CDH13: variants seen among roughly 807,000 people sequenced by gnomAD.
The protein encoded by CDH13 is cadherin 13, also known as cadherin-13.
Under a neutral mutation model 63.8 loss-of-function variants are expected in CDH13, and 24 were observed. The ratio of observed to expected loss-of-function variants is 0.38; its 90% CI spans 0.27 to 0.53. CDH13 has a LOEUF of 0.53. Among genes scored for constraint, CDH13 ranks in the 20% least tolerant of loss-of-function variants. The pLI, the probability that CDH13 is intolerant of heterozygous loss-of-function variation, is 0.85. For synonymous variants in CDH13, 503 were observed against 355.3 expected, an observed-to-expected ratio of 1.42 and a Z score of -4.67; for missense variants, 1,049 against 903.1, an observed-to-expected ratio of 1.16 and a Z score of -2.07.
chr16:82,808,293 G>A (rs1470154889), intron 1 of CDH13, among the ~76,000 whole-genome samples: 6 of 152,132 alleles, frequency 3.9e-5, no homozygotes, highest in Non-Finnish European at 7.4e-5. Flanking sequence ...TCATTGTCTA[G>A]GATCTCCAGC....
chr16:83,148,013 A>T (rs1426928454), intron 4 of CDH13, among the ~76,000 whole-genome samples: 1 of 152,160 alleles, frequency 6.6e-6, no homozygotes, highest in Non-Finnish European at 1.5e-5. Context: ...TGCTTAATGC[A>T]ACCTCAGCCT....
chr16:82,750,670 C>T (rs540465497), intron 1 of CDH13, among the ~76,000 whole-genome samples: 1 of 152,200 alleles, frequency 6.6e-6, no homozygotes, highest in Non-Finnish European at 1.5e-5. Flanking sequence ...GGAAAAATAT[C>T]TGAAAGAATG....
At chr16:83,624,338 G>GCAC in intron 8 of CDH13, among the ~76,000 whole-genome samples, 1 of 145,256 alleles carries the variant, frequency 6.9e-6, no homozygotes, top group South Asian at 2.2e-4. Flanking sequence ...ATGAGATAAC[G>GCAC]CCCCCACCCC....
At chr16:83,155,489 C>T (rs2037170870) in intron 4 of CDH13, among the ~76,000 whole-genome samples, 1 of 152,120 alleles carries the variant, frequency 6.6e-6, no homozygotes, top group African/African-American at 2.4e-5. Context: ...TTTCTTGGTC[C>T]ATCTTTTGGT....
intron 6 of CDH13, among the ~76,000 whole-genome samples, chr16:83,413,946 C>T (rs1009694731): frequency 1.3e-4 from 20 of 152,208 alleles, no homozygotes; most frequent in African/African-American, 4.6e-4. Flanking sequence ...AAGCTGAGAT[C>T]ACTCACCACT....
At chr16:83,383,055 T>A (rs1229552504) in intron 6 of CDH13, 3 of 152,242 alleles carry the variant, frequency 2.0e-5, no homozygotes, top group African/African-American at 7.2e-5. Context: ...ATCTTTGCAG[T>A]CTGCCCCAGT....
At chr16:83,404,811 A>G (rs549386449) in intron 6 of CDH13, among the ~76,000 whole-genome samples, 3 of 152,154 alleles carry the variant, frequency 2.0e-5, no homozygotes, top group African/African-American at 4.8e-5. Context: ...CCAGTTTTGC[A>G]TTGTGTTCCT....
At chr16:82,865,387 C>A (rs184673354) in intron 2 of CDH13, among the ~76,000 whole-genome samples, 1 of 152,226 alleles carries the variant, frequency 6.6e-6, no homozygotes, top group Non-Finnish European at 1.5e-5. Context: ...CGTGGACATC[C>A]AGGTGTTTCC....
chr16:83,433,843 T>C (rs1440742989), intron 6 of CDH13, among the ~76,000 whole-genome samples: 2 of 152,186 alleles, frequency 1.3e-5, no homozygotes, highest in Admixed American at 1.3e-4. Context: ...GTATTGGTAG[T>C]AGTTGGTAAT....
At chr16:82,675,022 C>G (rs151028218) in intron 1 of CDH13, among the ~76,000 whole-genome samples, 1 of 152,104 alleles carries the variant, frequency 6.6e-6, no homozygotes, top group African/African-American at 2.4e-5. Context: ...CCCCTGGATA[C>G]CTTTATTTCT....
intron 5 of CDH13, among the ~76,000 whole-genome samples, chr16:83,268,962 A>G (rs1290029968): frequency 1.3e-5 from 2 of 152,222 alleles, no homozygotes; most frequent in African/African-American, 4.8e-5. Flanking sequence ...AGGCTTGTCA[A>G]AGAAGCATGA....
intron 2 of CDH13, among the ~76,000 whole-genome samples, chr16:82,984,412 C>A (rs892486121): frequency 5.3e-5 from 8 of 152,210 alleles, no homozygotes; most frequent in Non-Finnish European, 8.8e-5. Context: ...TAAATTCTGA[C>A]TCTGCTACTT....
intron 5 of CDH13, among the ~76,000 whole-genome samples, chr16:83,314,024 C>G (rs1020817245): frequency 2.0e-5 from 3 of 152,170 alleles, no homozygotes; most frequent in Non-Finnish European, 4.4e-5. Context: ...CATTGTTGTT[C>G]TGTATATCAA....
At chr16:82,971,534 T>C (rs1908743970) in intron 2 of CDH13, among the ~76,000 whole-genome samples, 1 of 152,220 alleles carries the variant, frequency 6.6e-6, no homozygotes, top group Admixed American at 6.5e-5. Flanking sequence ...AATAGGCATC[T>C]AACCCAGACC....
intron 6 of CDH13, among the ~76,000 whole-genome samples, chr16:83,454,857 C>T (rs776629190): frequency 3.8e-4 from 58 of 152,068 alleles, no homozygotes; most frequent in Non-Finnish European, 7.5e-4. Flanking sequence ...CAGGCCCCTG[C>T]CACCACACCT....
intron 2 of CDH13, among the ~76,000 whole-genome samples, chr16:82,996,820 T>C (rs1435370999): frequency 1.3e-5 from 2 of 150,834 alleles, no homozygotes; most frequent in Non-Finnish European, 3.0e-5. Flanking sequence ...GTGGTGATGA[T>C]GATAGTGATG....
At chr16:83,385,702 C>T (rs1298727828) in intron 6 of CDH13, among the ~76,000 whole-genome samples, 1 of 152,150 alleles carries the variant, frequency 6.6e-6, no homozygotes, top group Non-Finnish European at 1.5e-5. Context: ...GTGACCAATA[C>T]TAGTCATGTG....
intron 1 of CDH13, among the ~76,000 whole-genome samples, chr16:82,835,006 A>G (rs935704684): frequency 3.9e-5 from 6 of 152,232 alleles, no homozygotes; most frequent in Admixed American, 6.5e-5. Context: ...AGCCACATAT[A>G]TAATTTTAAA....
rs531677603 is a variant in CDH13, at chr16:83,363,808, C to A, written c.781+18802C>A. On this transcript the variant is annotated intron_variant, in intron 6 of 13. Coordinates refer to ENST00000567109, the MANE Select transcript of CDH13 (RefSeq NM_001257.5). ...GGGATGCTGAGTGGGCGTGCTCCTC[C>A]TCCATAGAGGAGTTATTAAAGCCAC... 2.0e-5 allele frequency among the ~76,000 whole-genome samples: 3 copies of A among 152,242 alleles called. No homozygotes were observed. The South Asian group carries it at 6.2e-4, about 32-fold the overall frequency.
Sources: allele counts gnomAD v4.1 joint callset (sites outside exome capture counted in the v4.1 genomes callset), GRCh38; gene constraint gnomAD v4.1.1; transcripts MANE v1.5; gene names NCBI Gene and HGNC (gene_info 2026-07-23, HGNC 2026-07-21).